Variants in KDM4C observed in about 807,000 individuals in gnomAD.
The protein encoded by KDM4C is lysine demethylase 4C.
Under a neutral mutation model 129.3 loss-of-function variants are expected in KDM4C, and 81 were observed. That is an observed-to-expected ratio of 0.63 (90% confidence interval 0.52 to 0.75). KDM4C has a LOEUF of 0.75. Ranked by LOEUF, KDM4C falls within the 30% of genes least tolerant of loss-of-function variation. The probability of loss-of-function intolerance (pLI) is 0.00; values close to 1 mark genes in which losing one functional copy is unlikely to be tolerated. For synonymous variants in KDM4C, 573 were observed against 456.1 expected (o/e 1.26, Z -3.26); for missense variants, 1,457 against 1,304.0 (o/e 1.12, Z -1.81).
At chr9:6,809,292 C>G (rs558835204) in intron 3 of KDM4C, among the ~76,000 whole-genome samples, 1 of 152,300 alleles carries the variant, frequency 6.6e-6, no homozygotes, top group East Asian at 1.9e-4. Context: ...CTTTCAGACT[C>G]TTCCAGAATT....
chr9:6,987,065 T>G (rs1375573364), intron 11 of KDM4C, among the ~76,000 whole-genome samples: 3 of 152,202 alleles, frequency 2.0e-5, no homozygotes, highest in African/African-American at 7.2e-5. Flanking sequence ...TCGACATTGA[T>G]ACAGTAAAGA....
chr9:6,921,459 T>C (rs541489115), intron 8 of KDM4C, among the ~76,000 whole-genome samples: 30 of 152,306 alleles, frequency 2.0e-4, no homozygotes, highest in South Asian at 1.5e-3. Flanking sequence ...GAGTCATCAC[T>C]GCTCACTCGC....
chr9:7,063,707 G>A (rs984546522), intron 17 of KDM4C, among the ~76,000 whole-genome samples: 2 of 152,108 alleles, frequency 1.3e-5, no homozygotes, highest in South Asian at 4.2e-4. Context: ...ACTAGATTTG[G>A]GCATGAGACT....
intron 17 of KDM4C, 37 bp downstream of exon 17, chr9:7,049,237 G>C (rs569582760): frequency 8.8e-7 from 1 of 1,130,102 alleles, no homozygotes; most frequent in Non-Finnish European, 1.3e-6. Context: ...TCATAAATTA[G>C]TGTTAATTTC....
chr9:6,976,944 G>C (rs1302007814), intron 8 of KDM4C, among the ~76,000 whole-genome samples: 2 of 152,042 alleles, frequency 1.3e-5, no homozygotes, highest in Non-Finnish European at 2.9e-5. Context: ...TATCTACTCA[G>C]GCATCACCAG....
intron 19 of KDM4C, among the ~76,000 whole-genome samples, chr9:7,131,882 A>G (rs1262124428): frequency 3.9e-5 from 6 of 152,256 alleles, no homozygotes; most frequent in African/African-American, 1.4e-4. Context: ...TCATTAGGTG[A>G]TATACCTGTA....
At chr9:7,010,898 G>C (rs1038187574) in intron 12 of KDM4C, among the ~76,000 whole-genome samples, 1 of 152,006 alleles carries the variant, frequency 6.6e-6, no homozygotes, top group Non-Finnish European at 1.5e-5. Context: ...AAAAAAATTC[G>C]CTAGGCATGG....
chr9:6,816,616 T>G (rs1433450114), intron 4 of KDM4C, among the ~76,000 whole-genome samples: 1 of 152,210 alleles, frequency 6.6e-6, no homozygotes, highest in Non-Finnish European at 1.5e-5. Flanking sequence ...GAAGAAAACA[T>G]TTTTTCCAGC....
At chr9:6,731,608 A>G (rs1265630590) in intron 1 of KDM4C, among the ~76,000 whole-genome samples, 2 of 152,122 alleles carry the variant, frequency 1.3e-5, no homozygotes, top group African/African-American at 4.8e-5. Context: ...CTGGGATTAC[A>G]GGCATGAGCC....
intron 3 of KDM4C, among the ~76,000 whole-genome samples, chr9:6,807,765 G>A (rs1460334924): frequency 5.4e-5 from 7 of 130,494 alleles, no homozygotes; most frequent in South Asian, 2.7e-4. Flanking sequence ...TCTCCGCCCG[G>A]CAGCCACCCC....
chr9:7,006,931 G>C (rs1821779918), intron 12 of KDM4C, among the ~76,000 whole-genome samples: 1 of 152,206 alleles, frequency 6.6e-6, no homozygotes, highest in Non-Finnish European at 1.5e-5. Flanking sequence ...AAATGAAACA[G>C]TTTATAAAAT....
chr9:6,779,634 C>G (rs1483539159), intron 1 of KDM4C, among the ~76,000 whole-genome samples: 1 of 152,178 alleles, frequency 6.6e-6, no homozygotes, highest in Non-Finnish European at 1.5e-5. Context: ...GGAGACATCC[C>G]TGGGGATTGA....
intron 19 of KDM4C, among the ~76,000 whole-genome samples, chr9:7,149,431 G>A (rs546806597): frequency 2.6e-5 from 4 of 152,334 alleles, no homozygotes; most frequent in Non-Finnish European, 4.4e-5. Context: ...CCAGAGCCAC[G>A]GCTGGGCAGC....
chr9:6,820,693 T>C (rs1309703968), intron 4 of KDM4C, among the ~76,000 whole-genome samples: 1 of 149,216 alleles, frequency 6.7e-6, no homozygotes, highest in Non-Finnish European at 1.5e-5. Context: ...CTGGCTTGTG[T>C]CTTGATCTCT....
intron 17 of KDM4C, chr9:7,077,106 T>C (rs1380026113): frequency 8.1e-6 from 8 of 985,354 alleles, no homozygotes; most frequent in Non-Finnish European, 9.6e-6. Context: ...CTGGGTGATA[T>C]ATGCTATCGA....
At chr9:6,867,470 G>T (rs1161318835) in intron 5 of KDM4C, among the ~76,000 whole-genome samples, 1 of 152,076 alleles carries the variant, frequency 6.6e-6, no homozygotes, top group Admixed American at 6.5e-5. Flanking sequence ...CCTATATAAG[G>T]TAAGATTATT....
intron 12 of KDM4C, among the ~76,000 whole-genome samples, chr9:6,995,927 C>G (rs1819647041): frequency 6.6e-6 from 1 of 152,174 alleles, no homozygotes; most frequent in South Asian, 2.1e-4. Flanking sequence ...CTCGGCCTCC[C>G]AAAGTGCTGG....
intron 4 of KDM4C, among the ~76,000 whole-genome samples, chr9:6,834,034 A>C (rs1835389549): frequency 1.3e-5 from 1 of 76,276 alleles, no homozygotes; most frequent in Non-Finnish European, 2.7e-5. Flanking sequence ...ATATGACTCA[A>C]GAGATAGTCT....
At chr9:7,104,010 C>T (rs1443321753) in intron 18 of KDM4C, 140 bp downstream of exon 18, 7 of 748,374 alleles carry the variant, frequency 9.4e-6, no homozygotes, top group South Asian at 1.8e-5. Context: ...TCCTTGAGGG[C>T]AGGGATTGCG....
Sources: gnomAD v4.1 joint callset for allele counts (sites outside exome capture counted in the v4.1 genomes callset) on GRCh38, gnomAD v4.1.1 for gene constraint, MANE v1.5 for transcripts, NCBI Gene and HGNC (gene_info 2026-07-23, HGNC 2026-07-21) for gene names.